STAT5A: variants seen among roughly 807,000 people sequenced by gnomAD.
STAT5A encodes the protein signal transducer and activator of transcription 5A.
A neutral mutation model predicts 100.2 loss-of-function variants in STAT5A; 26 were observed. That is an observed-to-expected ratio of 0.26 (90% confidence interval 0.19 to 0.36). STAT5A has a LOEUF of 0.36. Ranked by LOEUF, STAT5A falls within the 10% of genes least tolerant of loss-of-function variation. The pLI, the probability that STAT5A is intolerant of heterozygous loss-of-function variation, is 1.00. For synonymous variants in STAT5A, 330 were observed against 424.3 expected, an observed-to-expected ratio of 0.78 and a Z score of 2.73; for missense variants, 634 against 1,027.5, an observed-to-expected ratio of 0.62 and a Z score of 5.24.
chr17:42,296,644 C>T (rs996984283), intron 5 of STAT5A, among the ~76,000 whole-genome samples: 5 of 151,902 alleles, frequency 3.3e-5, no homozygotes, highest in African/African-American at 1.2e-4. Context: ...CTTTCTTTTT[C>T]TTTTCTTTTT....
At chr17:42,298,854 C>T (rs573390906) in intron 5 of STAT5A, among the ~76,000 whole-genome samples, 19 of 152,216 alleles carry the variant, frequency 1.2e-4, no homozygotes, top group Non-Finnish European at 2.6e-4. Flanking sequence ...CAATGAGACT[C>T]CTCACAGATG....
Position 42,292,068 on chromosome 17 carries a change from G to T in STAT5A, c.375+7G>T. ...GGTCCGAGAAGCCAACAATGTGAGT[G>T]TCCCTTGGGGATGGGGAGGAGTGTT... On this transcript the variant is annotated splice_region_variant and intron_variant, in intron 4 of 18. Transcript: ENST00000590949. 1 of 1,613,722 alleles carries T rather than the reference G, an allele frequency of 6.2e-7. No individual in the cohort carries two copies. Among genetic ancestry groups the T allele is most frequent in the South Asian group, 1.1e-5 (1 of 91,066 alleles).
intron 4 of STAT5A, 78 bp downstream of exon 4, chr17:42,292,139 A>G: frequency 1.3e-6 from 2 of 1,539,042 alleles, no homozygotes; most frequent in South Asian, 1.1e-5. Flanking sequence ...AACTGTGTTT[A>G]TATAAAACAG....
chr17:42,310,969 C>T lies in STAT5A; in HGVS notation c.*300C>T, dbSNP rs140241394. 877 of 413,522 alleles carry T rather than the reference C, an allele frequency of 2.1e-3. 5 individuals are homozygous for T. The highest frequency in any genetic ancestry group is 0.016 in the African/African-American group (803 of 50,666). 25.6% of individuals were successfully genotyped at this position (413,522 alleles called of 1,614,324 possible). Reference sequence around the variant, plus strand: ...GGCACTCAATGCAGCCAGACCTATTCCTCCTGGGCCCCTCATCTGCTCAGC... The same window carrying T: ...GGCACTCAATGCAGCCAGACCTATTTCTCCTGGGCCCCTCATCTGCTCAGC... On this transcript the variant is annotated 3_prime_UTR_variant, in exon 19 of 19. Coordinates refer to ENST00000590949, the MANE Select transcript of STAT5A (RefSeq NM_001288718.2).
intron 17 of STAT5A, 97 bp downstream of exon 17, chr17:42,309,195 C>T (rs1164649554): frequency 2.7e-5 from 44 of 1,605,090 alleles, no homozygotes; most frequent in Non-Finnish European, 3.5e-5. Flanking sequence ...TTCCGCTCCC[C>T]CAGGGAACCT....
At position 42,288,667 on chromosome 17, in the gene STAT5A, T is replaced by TCCGGCACCC. The variant is rs970543505; in HGVS notation, c.-11+70_-11+78dup. ...GACACTCTACTGCCGCCCCGGCACC[T>TCCGGCACCC]CCGGCACCCGGAGCTCGACGGCCGG... is the stretch of plus-strand genomic sequence containing the variant. On this transcript the variant is annotated intron_variant, in intron 1 of 18. Coordinates refer to ENST00000590949, the MANE Select transcript of STAT5A (RefSeq NM_001288718.2). The surrounding 1 kb of genome is among the most constrained non-coding windows in gnomAD (Gnocchi z 4.8). The TCCGGCACCC allele has an allele frequency of 2.6e-5, 4 of 152,152 alleles. No homozygotes were observed. Among genetic ancestry groups the TCCGGCACCC allele is most frequent in the African/African-American group, 9.7e-5 (4 of 41,400 alleles). 9.4% of individuals were successfully genotyped at this position (152,152 alleles called of 1,614,324 possible). A position where few individuals can be genotyped will look rare whatever the true frequency, so the allele number is the denominator to read the frequency against.
chr17:42,302,986 G>A (rs1248298159), intron 9 of STAT5A, among the ~76,000 whole-genome samples: 2 of 150,364 alleles, frequency 1.3e-5, no homozygotes, highest in South Asian at 2.1e-4. Context: ...AGTGGCTCAC[G>A]CCTGTAATTC....
intron 2 of STAT5A, 110 bp from the exon 3 acceptor site, chr17:42,289,756 C>T: frequency 2.1e-6 from 3 of 1,415,414 alleles, no homozygotes; most frequent in South Asian, 1.5e-5. Flanking sequence ...TCTTGTGGGC[C>T]CTGGAGTGCC....
rs1371559376 is a variant in STAT5A, at chr17:42,310,897, G to A, written c.*228G>A. On this transcript the variant is annotated 3_prime_UTR_variant, in exon 19 of 19. Transcript: ENST00000590949. ...TTCAGATCATGGCATCCAAGAGTGC[G>A]CCGAGTCTGTCTCTGTCATGGTAGA... is the stretch of plus-strand genomic sequence containing the variant. 1.0e-5 allele frequency: 7 copies of A among 676,014 alleles called. No individual in the cohort carries two copies. The highest frequency in any genetic ancestry group is 1.8e-5 in the African/African-American group (1 of 55,174). The allele number at this position is 676,014 out of a possible 1,614,324, so 41.9% of individuals were successfully genotyped here. A position where few individuals can be genotyped will look rare whatever the true frequency, so the allele number is the denominator to read the frequency against.
Position 42,307,513 on chromosome 17 carries a change from G to A in STAT5A, c.1775+17G>A, listed in dbSNP as rs1317929846. The A allele has an allele frequency of 6.2e-7, 1 of 1,614,098 alleles. No individual in the cohort carries two copies. The highest frequency in any genetic ancestry group is 8.5e-7 in the Non-Finnish European group (1 of 1,180,004). On this transcript the variant is annotated intron_variant, in intron 14 of 18. Transcript: ENST00000590949. ...GAATGATGGGTAAGGAACGGGGGCT[G>A]CAGGGTCAGGGGCCAGCTGTGGGCG...
chr17:42,300,732 A>G lies in STAT5A; in HGVS notation c.851A>G (p.Glu284Gly), dbSNP rs766661960. 12 of 1,613,484 alleles carry G rather than the reference A, an allele frequency of 7.4e-6. No homozygotes were observed. Among genetic ancestry groups the G allele is most frequent in the Non-Finnish European group, 1.0e-5 (12 of 1,179,796 alleles). The change falls in exon 8 of 19, where the codon GAG becomes GGG. Residue 284 changes from glutamate (E) to glycine (G), a missense_variant. Glu to Gly is a moderately conservative substitution (Grantham distance 98, BLOSUM62 -2). Coordinates refer to ENST00000590949, the MANE Select transcript of STAT5A (RefSeq NM_001288718.2). ...VLQSWCEKLA[E>G]IIWQNRQQIR... ...TCGTGCAGGTGTGAGAAGTTGGCCG[A>G]GATCATCTGGCAGAACCGGCAGCAG...
intron 3 of STAT5A, among the ~76,000 whole-genome samples, chr17:42,291,533 G>A (rs1260064581): frequency 3.3e-5 from 5 of 151,872 alleles, no homozygotes; most frequent in East Asian, 1.9e-4. Flanking sequence ...CCTGACCAAC[G>A]TGGAGAAACC....
In STAT5A at chr17:42,292,047, C is replaced by A; in HGVS notation, c.361C>A (p.Arg121=). 6.2e-7 allele frequency: 1 copy of A among 1,613,882 alleles called. No individual in the cohort carries two copies. Among genetic ancestry groups the A allele is most frequent in the Non-Finnish European group, 8.5e-7 (1 of 1,179,868 alleles). ...TCTGTACAATGAACAGAGGCTGGTC[C>A]GAGAAGCCAACAATGTGAGTGTCCC... ...HILYNEQRLV[R]EANNCSSPAG... Residue 121 remains arginine (R), a synonymous_variant, in exon 4 of 19, where the codon CGA becomes AGA. Transcript: ENST00000590949.
At position 42,301,272 on chromosome 17, in the gene STAT5A, C is replaced by T; in HGVS notation, c.990-3C>T. The stretch of plus-strand genomic sequence containing the variant: ...CGTGTGTCTGTCCCTGTGTCCCATG[C>T]AGCACATTCATCATTGAGAAGCAGC... On this transcript the variant is annotated splice_polypyrimidine_tract_variant and splice_region_variant and intron_variant, in intron 8 of 18. Coordinates refer to ENST00000590949, the MANE Select transcript of STAT5A (RefSeq NM_001288718.2). 6.2e-7 allele frequency: 1 copy of T among 1,613,670 alleles called. No homozygotes were observed. Among genetic ancestry groups the T allele is most frequent in the Non-Finnish European group, 8.5e-7 (1 of 1,179,730 alleles).
chr17:42,288,621 C>T lies in STAT5A; in HGVS notation c.-11+23C>T, dbSNP rs2144483628. 6.6e-6 allele frequency: 1 copy of T among 152,226 alleles called. No individual in the cohort carries two copies. Among genetic ancestry groups the T allele is most frequent in the Non-Finnish European group, 1.5e-5 (1 of 67,992 alleles). 9.4% of individuals were successfully genotyped at this position (152,226 alleles called of 1,614,324 possible). ...CAGGTGGGTGACCCGGTGGCGCGTC[C>T]TCGGCGGCGCGCCGAGAGGGGACAC... On this transcript the variant is annotated intron_variant, in intron 1 of 18. Coordinates refer to ENST00000590949, the MANE Select transcript of STAT5A (RefSeq NM_001288718.2). The surrounding 1 kb of genome is among the most constrained non-coding windows in gnomAD (Gnocchi z 4.8).
intron 4 of STAT5A, among the ~76,000 whole-genome samples, chr17:42,295,009 T>G (rs1333116037): frequency 6.6e-6 from 1 of 152,078 alleles, no homozygotes; most frequent in East Asian, 1.9e-4. Context: ...GCGATTCTCC[T>G]GAATGTGCTG....
chr17:42,310,685 G>A lies in STAT5A; in HGVS notation c.*16G>A, dbSNP rs538898150. On this transcript the variant is annotated 3_prime_UTR_variant, in exon 19 of 19. Transcript: ENST00000590949. ...CCTCTCATGAATGTTTGAATCCCAC[G>A]CTTCTCTTTGGAAACAATATGCAAT... 11 of 1,613,712 alleles carry A rather than the reference G, an allele frequency of 6.8e-6. No homozygotes were observed. Among genetic ancestry groups the A allele is most frequent in the East Asian group, 4.5e-5 (2 of 44,882 alleles).
chr17:42,301,481 C>T, intron 9 of STAT5A, 27 bp downstream of exon 9: 1 of 1,613,556 alleles, frequency 6.2e-7, no homozygotes, highest in Non-Finnish European at 8.5e-7. Context: ...CTTCCCCTGC[C>T]CAAGCTTAGG....
rs1598364272 is a variant in STAT5A at position 42,304,685 on chromosome 17, C to A, written c.1380+33C>A. 6.2e-7 allele frequency: 1 copy of A among 1,611,808 alleles called. No individual in the cohort carries two copies. The highest frequency in any genetic ancestry group is 1.1e-5 in the South Asian group (1 of 90,604). ...CCCCAGCCCTCCTGCCCCCACTGCT[C>A]CAGGTCACCCAAGAGGTGGAGGGGC... is the stretch of plus-strand genomic sequence containing the variant. On this transcript the variant is annotated intron_variant, in intron 11 of 18. Coordinates refer to ENST00000590949, the MANE Select transcript of STAT5A (RefSeq NM_001288718.2). The surrounding 1 kb of genome is among the most constrained non-coding windows in gnomAD (Gnocchi z 4.8).
Sources: gnomAD v4.1 joint callset for allele counts (sites outside exome capture counted in the v4.1 genomes callset) on GRCh38, gnomAD v4.1.1 for gene constraint, Gnocchi (gnomAD v3.1) non-coding constraint, MANE v1.5 for transcripts, NCBI Gene and HGNC (gene_info 2026-07-23, HGNC 2026-07-21) for gene names.